Variants in SASH1 observed in about 807,000 individuals in gnomAD.
SASH1 encodes SAM and SH3 domain-containing protein 1.
SASH1 carries 44 observed loss-of-function variants against 125.2 expected under a neutral mutation model. The ratio of observed to expected loss-of-function variants is 0.35; its 90% confidence interval spans 0.28 to 0.45. SASH1 has a LOEUF of 0.45. SASH1 is among the 20% of genes least tolerant of loss of function. SASH1 has a pLI of 1.00. For synonymous variants in SASH1, 639 were observed against 649.1 expected (o/e 0.98, Z 0.24); for missense variants, 1,426 against 1,614.5 (o/e 0.88, Z 2.00).
chr6:148,232,660 G>A, the SASH1 span, among the ~76,000 whole-genome samples: 1 of 152,290 alleles, frequency 6.6e-6, no homozygotes, highest in Middle Eastern at 3.4e-3. Flanking sequence ...GGTGGCTGAA[G>A]ACAAAGTATT....
At chr6:148,474,997 C>T (rs2115142230) in intron 7 of SASH1, among the ~76,000 whole-genome samples, 1 of 152,160 alleles carries the variant, frequency 6.6e-6, no homozygotes, top group East Asian at 1.9e-4. Flanking sequence ...GTTTTTATTA[C>T]TTCCCCCTGA....
chr6:148,460,524 G>A (rs963797873), intron 4 of SASH1, among the ~76,000 whole-genome samples: 1 of 152,154 alleles, frequency 6.6e-6, no homozygotes, highest in Non-Finnish European at 1.5e-5. Flanking sequence ...TTCTTTCGGA[G>A]AGTTAATGTT....
intron 1 of SASH1, among the ~76,000 whole-genome samples, chr6:148,344,661 T>C (rs990997891): frequency 6.6e-6 from 1 of 152,160 alleles, no homozygotes; most frequent in Non-Finnish European, 1.5e-5. Context: ...GTTTTGTTTT[T>C]GCATTTTCTG....
At chr6:148,464,915 A>C (rs191406982) in intron 4 of SASH1, among the ~76,000 whole-genome samples, 1 of 152,332 alleles carries the variant, frequency 6.6e-6, no homozygotes, top group East Asian at 1.9e-4. Context: ...CAAGATGAAT[A>C]AAGAAACTAC....
chr6:148,360,782 C>T (rs1426709979), intron 1 of SASH1, among the ~76,000 whole-genome samples: 1 of 152,192 alleles, frequency 6.6e-6, no homozygotes, highest in African/African-American at 2.4e-5. Flanking sequence ...CTATACTAAG[C>T]TCTCTCCATA....
chr6:148,218,613 G>C, the SASH1 span, among the ~76,000 whole-genome samples: 1 of 152,178 alleles, frequency 6.6e-6, no homozygotes, highest in East Asian at 1.9e-4. Context: ...CAGAAGGAGA[G>C]CTGGTGCTGG....
At chr6:148,420,683 C>T (rs1385541407) in intron 2 of SASH1, among the ~76,000 whole-genome samples, 1 of 152,114 alleles carries the variant, frequency 6.6e-6, no homozygotes, top group African/African-American at 2.4e-5. Flanking sequence ...TTATTGTTCC[C>T]TATTTTTTTA....
chr6:148,256,970 T>C, the SASH1 span, among the ~76,000 whole-genome samples: 1 of 152,162 alleles, frequency 6.6e-6, no homozygotes, highest in Non-Finnish European at 1.5e-5. Flanking sequence ...TTGCATAATA[T>C]TCTGAGGTTA....
intron 8 of SASH1, among the ~76,000 whole-genome samples, chr6:148,488,021 C>T (rs890004435): frequency 6.6e-5 from 10 of 151,400 alleles, no homozygotes; most frequent in Non-Finnish European, 1.5e-4. Context: ...TGATATTGAT[C>T]ATTAAGTACA....
At chr6:148,272,314 G>GCT in exon 1 of SASH1, 1 of 469,988 alleles carries the variant, frequency 2.1e-6, no homozygotes, top group Non-Finnish European at 4.4e-6. Flanking sequence ...GAGTCAGAGA[G>GCT]GAAGTCAGAG....
chr6:148,280,661 A>T (rs1307501754), intron 1 of SASH1, among the ~76,000 whole-genome samples: 1 of 152,108 alleles, frequency 6.6e-6, no homozygotes, highest in Non-Finnish European at 1.5e-5. Context: ...AAAAAAAATT[A>T]GCTGAGTGTG....
At chr6:148,465,868 C>T (rs1252888868) in intron 4 of SASH1, among the ~76,000 whole-genome samples, 1 of 152,108 alleles carries the variant, frequency 6.6e-6, no homozygotes, top group Non-Finnish European at 1.5e-5. Flanking sequence ...GAGCATGTTA[C>T]ATTTGCTGCT....
chr6:148,410,432 T>A (rs951857288), intron 2 of SASH1, among the ~76,000 whole-genome samples: 2 of 152,058 alleles, frequency 1.3e-5, no homozygotes, highest in African/African-American at 2.4e-5. Flanking sequence ...CGGCTGTATG[T>A]TTTTGTTATA....
chr6:148,532,686 C>G lies in SASH1; in HGVS notation c.1565-111C>G. ...CCTGACAGAGGGTTGTGGCTCAAGG[C>G]TTCCTTTCTCTGGGCCTTCATTTCC... On this transcript the variant is annotated intron_variant, in intron 13 of 19. Coordinates refer to ENST00000367467, the MANE Select transcript of SASH1 (RefSeq NM_015278.5). The surrounding 1 kb of genome is among the most constrained non-coding windows in gnomAD (Gnocchi z 4.7). 4.0e-3 allele frequency: 4,562 copies of G among 1,137,544 alleles called. No homozygotes were observed. Among genetic ancestry groups the G allele is most frequent in the Non-Finnish European group, 5.3e-3 (4,142 of 780,048 alleles). 70.5% of individuals were successfully genotyped at this position (1,137,544 alleles called of 1,614,324 possible). A position where few individuals can be genotyped will look rare whatever the true frequency, so the allele number is the denominator to read the frequency against.
At chr6:148,421,474 T>G (rs1189010561) in intron 2 of SASH1, among the ~76,000 whole-genome samples, 1 of 152,172 alleles carries the variant, frequency 6.6e-6, no homozygotes, top group Admixed American at 6.5e-5. Flanking sequence ...CAGCTAATTT[T>G]TGTATTTTTA....
intron 7 of SASH1, among the ~76,000 whole-genome samples, chr6:148,483,731 G>A (rs906198315): frequency 6.6e-6 from 1 of 152,082 alleles, no homozygotes; most frequent in Non-Finnish European, 1.5e-5. Context: ...TCTAGAGCAG[G>A]GTATGTGAAT....
the SASH1 span, among the ~76,000 whole-genome samples, chr6:148,194,035 A>G: frequency 6.6e-6 from 1 of 152,232 alleles, no homozygotes; most frequent in Non-Finnish European, 1.5e-5. Context: ...GTGTGTATAC[A>G]TAAACATGAT....
intron 17 of SASH1, among the ~76,000 whole-genome samples, chr6:148,542,879 T>TGTGTGCGC (rs1491203431): frequency 7.2e-6 from 1 of 138,910 alleles, no homozygotes; most frequent in East Asian, 2.0e-4. Context: ...TGTGTGTGTG[T>TGTGTGCGC]GCGCGCGCAC....
intron 4 of SASH1, among the ~76,000 whole-genome samples, chr6:148,465,492 G>T (rs553057846): frequency 1.3e-5 from 2 of 150,656 alleles, no homozygotes; most frequent in Admixed American, 6.6e-5. Context: ...GCAGTGAGCC[G>T]AGATCGCATC....
Sources: gnomAD v4.1 joint callset for allele counts (sites outside exome capture counted in the v4.1 genomes callset) on GRCh38, gnomAD v4.1.1 for gene constraint, Gnocchi (gnomAD v3.1) non-coding constraint, MANE v1.5 for transcripts, NCBI Gene and HGNC (gene_info 2026-07-23, HGNC 2026-07-21) for gene names.